The following GALNTL6 variants were observed in gnomAD, a reference collection of about 807,000 sequenced individuals.
GALNTL6 encodes the protein polypeptide N-acetylgalactosaminyltransferase-like 6.
Under a neutral mutation model 73.7 loss-of-function variants are expected in GALNTL6, and 46 were observed. The ratio of observed to expected loss-of-function variants is 0.62; its 90% CI spans 0.49 to 0.80. The LOEUF (loss-of-function observed/expected upper bound fraction) is 0.80, where lower values mean the gene tolerates loss of function less well. Ranked by LOEUF, GALNTL6 falls within the 30% of genes least tolerant of loss-of-function variation. GALNTL6 has a pLI of 0.00. For missense variants in GALNTL6, 604 were observed against 755.0 expected, an observed-to-expected ratio of 0.80 and a Z score of 2.34; for synonymous variants, 259 against 263.7, an observed-to-expected ratio of 0.98 and a Z score of 0.17.
intron 5 of GALNTL6, among the ~76,000 whole-genome samples, chr4:172,651,805 T>C (rs561549333): frequency 6.6e-6 from 1 of 152,318 alleles, no homozygotes; most frequent in South Asian, 2.1e-4. Context: ...AATTTGCATG[T>C]CTCAATCTTG....
chr4:172,307,039 C>T (rs1226181620), intron 3 of GALNTL6, among the ~76,000 whole-genome samples: 1 of 152,146 alleles, frequency 6.6e-6, no homozygotes, highest in Non-Finnish European at 1.5e-5. Context: ...AATTTCCATA[C>T]TGTTTTCCAT....
At chr4:171,905,024 G>A (rs201509964) in intron 2 of GALNTL6, among the ~76,000 whole-genome samples, 1 of 151,622 alleles carries the variant, frequency 6.6e-6, no homozygotes, top group Non-Finnish European at 1.5e-5. Context: ...CAACCGATAC[G>A]AGCCACTGCA....
chr4:172,721,836 C>T lies in GALNTL6; in HGVS notation c.554-87525C>T, dbSNP rs1314909387. The stretch of plus-strand genomic sequence containing the variant: ...ACTTCTCGTTATGTCTAATCAAGCA[C>T]TGCATATGCAGTGCAGCTAGAGTGG... On this transcript the variant is annotated intron_variant, in intron 5 of 12. Transcript: ENST00000506823. Among the ~76,000 whole-genome samples the T allele has an allele frequency of 2.0e-5, 3 of 152,196 alleles. No individual in the cohort carries two copies. The East Asian group carries it at 5.8e-4, about 29-fold the overall frequency.
chr4:172,907,459 T>C (rs778025620), intron 8 of GALNTL6, among the ~76,000 whole-genome samples: 8 of 152,236 alleles, frequency 5.3e-5, no homozygotes, highest in Non-Finnish European at 7.3e-5. Context: ...GGGATACGTA[T>C]TAACAAATTC....
At chr4:171,853,180 G>A (rs998163014) in intron 2 of GALNTL6, among the ~76,000 whole-genome samples, 2 of 151,890 alleles carry the variant, frequency 1.3e-5, no homozygotes, top group African/African-American at 2.4e-5. Flanking sequence ...GGAGGTTAAA[G>A]GGTACTCTTC....
At chr4:171,873,675 G>T (rs4692905) in intron 2 of GALNTL6, among the ~76,000 whole-genome samples, 78,417 of 151,908 alleles carry the variant, frequency 0.52, 21,622 homozygotes, top group African/African-American at 0.72. Flanking sequence ...CTCTTTATAA[G>T]TAATTATCTC....
chr4:171,912,914 T>C (rs1448750238), intron 2 of GALNTL6, among the ~76,000 whole-genome samples: 1 of 152,236 alleles, frequency 6.6e-6, no homozygotes, highest in Non-Finnish European at 1.5e-5. Context: ...TATCTCCTTT[T>C]ATAAATGTAC....
chr4:171,897,654 C>CT lies in GALNTL6; in HGVS notation c.138+82942dup, dbSNP rs1402531102. 7.9e-5 allele frequency among the ~76,000 whole-genome samples: 12 copies of CT among 151,950 alleles called. No homozygotes were observed. In the South Asian group the frequency reaches 2.5e-3, roughly 32 times the overall value. ...TGGTCAAGATGGTGAAACCCCTTTT[C>CT]TTTTTTCTTTTTTCGAGACGGAGTC... On this transcript the variant is annotated intron_variant, in intron 2 of 12. Coordinates refer to ENST00000506823, the MANE Select transcript of GALNTL6 (RefSeq NM_001034845.3).
chr4:172,355,357 T>A (rs892571950), intron 5 of GALNTL6, among the ~76,000 whole-genome samples: 1 of 152,116 alleles, frequency 6.6e-6, no homozygotes, highest in Non-Finnish European at 1.5e-5. Flanking sequence ...TGTACGTTGT[T>A]TGAGAGAATG....
At chr4:172,735,664 G>T (rs1322308135) in intron 5 of GALNTL6, among the ~76,000 whole-genome samples, 1 of 152,162 alleles carries the variant, frequency 6.6e-6, no homozygotes, top group Non-Finnish European at 1.5e-5. Context: ...GTTTGGCTAT[G>T]TCTGCTTCCA....
At chr4:172,614,310 C>A (rs1014186075) in intron 5 of GALNTL6, among the ~76,000 whole-genome samples, 1 of 152,032 alleles carries the variant, frequency 6.6e-6, no homozygotes, top group Non-Finnish European at 1.5e-5. Context: ...TTTTTGATTT[C>A]TTGAAGAAAT....
chr4:172,479,639 C>G (rs1244483570), intron 5 of GALNTL6, among the ~76,000 whole-genome samples: 1 of 152,072 alleles, frequency 6.6e-6, no homozygotes, highest in East Asian at 1.9e-4. Flanking sequence ...ACACTGAAAC[C>G]CCAGACTTCA....
chr4:172,041,904 T>C (rs1001332734), intron 2 of GALNTL6, among the ~76,000 whole-genome samples: 40 of 152,096 alleles, frequency 2.6e-4, no homozygotes, highest in South Asian at 6.2e-4. Flanking sequence ...TTTCCAAGTT[T>C]AGCTTTAAAG....
chr4:172,844,430 G>A (rs781021191), intron 7 of GALNTL6, among the ~76,000 whole-genome samples: 3 of 152,246 alleles, frequency 2.0e-5, no homozygotes, highest in South Asian at 2.1e-4. Flanking sequence ...TCGACAGCTA[G>A]AGAGTGGCAG....
At chr4:171,877,124 T>C (rs1446208152) in intron 2 of GALNTL6, among the ~76,000 whole-genome samples, 2 of 152,146 alleles carry the variant, frequency 1.3e-5, no homozygotes, top group Non-Finnish European at 2.9e-5. Context: ...CAAAATTCAG[T>C]ATTAGTGTTC....
intron 5 of GALNTL6, among the ~76,000 whole-genome samples, chr4:172,790,002 G>A (rs1407354596): frequency 6.6e-6 from 1 of 152,238 alleles, no homozygotes; most frequent in Non-Finnish European, 1.5e-5. Context: ...CATGGTCCCT[G>A]ACCTCAAGGA....
chr4:172,040,126 T>C (rs1222014420), intron 2 of GALNTL6, among the ~76,000 whole-genome samples: 1 of 150,848 alleles, frequency 6.6e-6, no homozygotes, highest in Non-Finnish European at 1.5e-5. Flanking sequence ...TGGTTTTCTA[T>C]AACAATGGCG....
intron 5 of GALNTL6, among the ~76,000 whole-genome samples, chr4:172,708,618 G>C (rs979270803): frequency 2.0e-5 from 3 of 152,152 alleles, no homozygotes; most frequent in African/African-American, 7.2e-5. Flanking sequence ...AAGAGTAAAT[G>C]AGCCAATATA....
At chr4:172,275,716 G>T (rs1479441042) in intron 3 of GALNTL6, among the ~76,000 whole-genome samples, 5 of 152,180 alleles carry the variant, frequency 3.3e-5, no homozygotes, top group African/African-American at 1.2e-4. Context: ...CCAGCACTTT[G>T]GGAGGCTGAG....
Sources: allele counts gnomAD v4.1 joint callset (sites outside exome capture counted in the v4.1 genomes callset), GRCh38; gene constraint gnomAD v4.1.1; transcripts MANE v1.5; gene names NCBI Gene and HGNC (gene_info 2026-07-23, HGNC 2026-07-21).